Variants in AGBL1 observed in about 807,000 individuals in gnomAD.
AGBL1 encodes the protein AGBL carboxypeptidase 1, also known as cytosolic carboxypeptidase 4.
AGBL1 carries 130 observed loss-of-function variants against 118.9 expected under a neutral mutation model. The ratio of observed to expected loss-of-function variants is 1.09; its 90% CI spans 0.95 to 1.26. AGBL1 has a LOEUF of 1.26. Among genes scored for constraint, AGBL1 ranks in the 50% most tolerant of loss-of-function variants. The pLI is 0.00. For missense variants in AGBL1, 1,584 were observed against 1,298.1 expected (o/e 1.22, Z -3.38); for synonymous variants, 555 against 478.9 (o/e 1.16, Z -2.08).
At chr15:87,020,197 G>A (rs1412477227) in intron 24 of AGBL1, among the ~76,000 whole-genome samples, 1 of 151,738 alleles carries the variant, frequency 6.6e-6, no homozygotes, top group African/African-American at 2.4e-5. Context: ...ACAAGAGCTG[G>A]TACAATTTAC....
chr15:86,493,595 T>C (rs1228750998), intron 18 of AGBL1, among the ~76,000 whole-genome samples: 2 of 151,982 alleles, frequency 1.3e-5, no homozygotes, highest in African/African-American at 4.8e-5. Context: ...CTTTTGGAGG[T>C]CTGAGTCTTC....
chr15:86,906,514 A>G (rs2080281568), intron 22 of AGBL1, among the ~76,000 whole-genome samples: 1 of 152,126 alleles, frequency 6.6e-6, no homozygotes, highest in Non-Finnish European at 1.5e-5. Context: ...ACTATAAACC[A>G]TTCATCATGA....
At chr15:86,867,880 G>A (rs764433986) in intron 22 of AGBL1, among the ~76,000 whole-genome samples, 3 of 152,112 alleles carry the variant, frequency 2.0e-5, no homozygotes, top group South Asian at 2.1e-4. Flanking sequence ...ATCCATGGCC[G>A]TCCAATATAC....
chr15:86,585,022 A>T (rs1273260633), intron 21 of AGBL1, among the ~76,000 whole-genome samples: 1 of 152,144 alleles, frequency 6.6e-6, no homozygotes, highest in Non-Finnish European at 1.5e-5. Flanking sequence ...ACTGATTTTT[A>T]TACATTGACT....
chr15:86,749,599 G>C (rs2077815071), intron 22 of AGBL1, among the ~76,000 whole-genome samples: 2 of 152,166 alleles, frequency 1.3e-5, no homozygotes, highest in Admixed American at 1.3e-4. Context: ...AGTTTACAAA[G>C]GGAATGCTTC....
intron 22 of AGBL1, among the ~76,000 whole-genome samples, chr15:86,824,041 C>T (rs2078975068): frequency 6.6e-6 from 1 of 151,972 alleles, no homozygotes. Context: ...CCACTCTCAC[C>T]ATTACTATTC....
intron 18 of AGBL1, among the ~76,000 whole-genome samples, chr15:86,402,959 T>C (rs2081469683): frequency 6.6e-6 from 1 of 152,224 alleles, no homozygotes; most frequent in Non-Finnish European, 1.5e-5. Flanking sequence ...GGCTGAGTTC[T>C]AAGTAAATCA....
At chr15:86,596,691 GT>G (rs1422466928) in intron 21 of AGBL1, among the ~76,000 whole-genome samples, 2 of 151,940 alleles carry the variant, frequency 1.3e-5, no homozygotes, top group African/African-American at 2.4e-5. Context: ...TGACTGTCTT[GT>G]CAAAAACCAT....
chr15:86,852,874 C>A (rs563827994), intron 22 of AGBL1, among the ~76,000 whole-genome samples: 1 of 152,314 alleles, frequency 6.6e-6, no homozygotes, highest in South Asian at 2.1e-4. Context: ...AACTGGGGAA[C>A]TTTTAAAGTG....
chr15:86,319,743 G>GTTTTTTTTTTTTT (rs139831044), intron 17 of AGBL1, among the ~76,000 whole-genome samples: 10 of 47,254 alleles, frequency 2.1e-4, no homozygotes, highest in Non-Finnish European at 2.9e-4. Context: ...CTCTTTGGTA[G>GTTTTTTTTTTTTT]TTTTTTTTTT....
At chr15:86,193,027 TAAAA>T (rs1478082983) in intron 5 of AGBL1, among the ~76,000 whole-genome samples, 1 of 152,150 alleles carries the variant, frequency 6.6e-6, no homozygotes, top group African/African-American at 2.4e-5. Flanking sequence ...TTTTAAATAT[TAAAA>T]AAAGTATTTT....
chr15:86,498,653 A>T (rs1182290096), intron 18 of AGBL1, among the ~76,000 whole-genome samples: 1 of 151,906 alleles, frequency 6.6e-6, no homozygotes, highest in Non-Finnish European at 1.5e-5. Context: ...TATACCCATA[A>T]TTTTTTAAAG....
chr15:86,201,949 T>C (rs1050729945), intron 5 of AGBL1, among the ~76,000 whole-genome samples: 4 of 152,076 alleles, frequency 2.6e-5, no homozygotes, highest in Non-Finnish European at 4.4e-5. Context: ...GAAGGCCAAT[T>C]TGAGTTCATC....
chr15:86,727,407 T>C (rs1446340596), intron 22 of AGBL1, among the ~76,000 whole-genome samples: 3 of 152,144 alleles, frequency 2.0e-5, no homozygotes, highest in Non-Finnish European at 2.9e-5. Flanking sequence ...GAAAGAGATA[T>C]CATTAATTTT....
chr15:86,165,420 G>C (rs534528796), intron 5 of AGBL1, among the ~76,000 whole-genome samples: 19 of 151,928 alleles, frequency 1.3e-4, no homozygotes, highest in Non-Finnish European at 2.6e-4. Context: ...GGGTCTTCTG[G>C]GCTTTCTCCA....
At chr15:86,918,256 CAAAG>C (rs1450140406), downstream of AGBL1, among the ~76,000 whole-genome samples, 1 of 152,128 alleles carries the variant, frequency 6.6e-6, no homozygotes, top group Non-Finnish European at 1.5e-5. Context: ...ATTTTACAGA[CAAAG>C]AAACAAAGTC....
chr15:86,330,656 T>G (rs1481674529), intron 17 of AGBL1, among the ~76,000 whole-genome samples: 1 of 152,052 alleles, frequency 6.6e-6, no homozygotes, highest in Non-Finnish European at 1.5e-5. Flanking sequence ...GAATGACAGA[T>G]AAAGAATTCA....
chr15:86,248,084 G>T (rs796460070), intron 7 of AGBL1, among the ~76,000 whole-genome samples: 8 of 152,344 alleles, frequency 5.3e-5, no homozygotes, highest in African/African-American at 1.9e-4. Context: ...TTGGGAGGCC[G>T]AGGCAGGTGA....
Position 86,738,607 on chromosome 15 carries a change from A to C in AGBL1, c.3158+64171A>C, listed in dbSNP as rs143800609. ...TTCTGACTCTCTTCATCCGTTACGCATTATTGTCCATTATGCATTATTGCC... is the reference window on the plus strand; with the variant it reads ...TTCTGACTCTCTTCATCCGTTACGCCTTATTGTCCATTATGCATTATTGCC... On this transcript the variant is annotated intron_variant, in intron 22 of 22. Transcript: ENST00000614907. 1.7e-3 allele frequency among the ~76,000 whole-genome samples: 264 copies of C among 152,306 alleles called. 2 individuals carry two copies. The East Asian group carries it at 0.022, about 12-fold the overall frequency.
Sources: allele counts gnomAD v4.1 joint callset (sites outside exome capture counted in the v4.1 genomes callset), GRCh38; gene constraint gnomAD v4.1.1; transcripts MANE v1.5; gene names NCBI Gene and HGNC (gene_info 2026-07-23, HGNC 2026-07-21).